RNF216: variants seen among roughly 807,000 people sequenced by gnomAD.
RNF216 encodes ring finger protein 216.
Under a neutral mutation model 110.8 loss-of-function variants are expected in RNF216, and 72 were observed. The observed-to-expected ratio is 0.65, with a 90% CI of 0.54 to 0.79. RNF216 has a LOEUF of 0.79. Among genes scored for constraint, RNF216 ranks in the 30% least tolerant of loss-of-function variants. The pLI is 0.00. For missense variants in RNF216, 1,342 were observed against 1,141.2 expected (o/e 1.18, Z -2.54); for synonymous variants, 495 against 407.5 (o/e 1.21, Z -2.59).
chr7:5,624,819 G>A lies in RNF216; in HGVS notation c.2383-694C>T, dbSNP rs1786607050. ...CAGGCAGATGTGGGAGCTGTGCTGG[G>A]AAACTCAGGGGCCACACTGGGCAAG... On this transcript the variant is annotated intron_variant, in intron 15 of 16. Coordinates refer to ENST00000389902, the MANE Select transcript of RNF216 (RefSeq NM_207111.4). The surrounding 1 kb of genome is among the most constrained non-coding windows in gnomAD (Gnocchi z 4.4). Among the ~76,000 whole-genome samples, 2 of 152,344 alleles carry A rather than the reference G, an allele frequency of 1.3e-5. No individual in the cohort carries two copies. Among genetic ancestry groups the A allele is most frequent in the South Asian group, 2.1e-4 (1 of 4,830 alleles).
intron 3 of RNF216, among the ~76,000 whole-genome samples, chr7:5,751,465 G>A (rs79707037): frequency 0.042 from 6,391 of 152,160 alleles, 188 homozygotes; most frequent in South Asian, 0.07. Flanking sequence ...CTAAACCTGG[G>A]AAGTTCATTT....
At chr7:5,746,362 C>G (rs1795030000) in intron 3 of RNF216, among the ~76,000 whole-genome samples, 1 of 152,172 alleles carries the variant, frequency 6.6e-6, no homozygotes, top group Admixed American at 6.5e-5. Context: ...TTGCAGAGGT[C>G]TTTACGGCTT....
chr7:5,780,627 T>C (rs377166747), intron 1 of RNF216, among the ~76,000 whole-genome samples: 5 of 150,800 alleles, frequency 3.3e-5, no homozygotes, highest in African/African-American at 1.2e-4. Flanking sequence ...ATCGCTTGAA[T>C]CCGGGAGGCA....
Position 5,681,840 on chromosome 7 carries a change from T to C in RNF216, c.2062-29330A>G, listed in dbSNP as rs180950611. On this transcript the variant is annotated intron_variant, in intron 13 of 16. Coordinates refer to ENST00000389902, the MANE Select transcript of RNF216 (RefSeq NM_207111.4). ...ACGGGAAACACCCAGAAAAGGAGGA[T>C]AGGAGGTGAAAAGGCCAAATTCAAA... is the stretch of plus-strand genomic sequence containing the variant. Among the ~76,000 whole-genome samples the C allele has an allele frequency of 5.9e-5, 9 of 152,220 alleles. No homozygotes were observed. The South Asian group carries it at 1.0e-3, about 18-fold the overall frequency.
chr7:5,646,298 G>C (rs900991643), intron 14 of RNF216, among the ~76,000 whole-genome samples: 1 of 152,060 alleles, frequency 6.6e-6, no homozygotes, highest in African/African-American at 2.4e-5. Flanking sequence ...GGGCCCAGAG[G>C]TGGAGGTTGC....
chr7:5,765,376 A>G (rs1235306837), intron 1 of RNF216, among the ~76,000 whole-genome samples: 2 of 151,800 alleles, frequency 1.3e-5, no homozygotes, highest in Non-Finnish European at 2.9e-5. Flanking sequence ...AGGTAAGAGA[A>G]TTGCTTCAGC....
intron 13 of RNF216, among the ~76,000 whole-genome samples, chr7:5,663,586 GAAAA>G (rs35905773): frequency 1.2e-5 from 1 of 80,108 alleles, no homozygotes. Context: ...TCCACCTCAG[GAAAA>G]AAAAAAAAAA....
chr7:5,702,544 A>T (rs574326389), intron 13 of RNF216, among the ~76,000 whole-genome samples: 1 of 152,096 alleles, frequency 6.6e-6, no homozygotes, highest in Admixed American at 6.5e-5. Flanking sequence ...AAGGGAGGCA[A>T]GCAACATTTG....
chr7:5,750,131 G>A (rs1273568447), intron 3 of RNF216, among the ~76,000 whole-genome samples: 3 of 152,090 alleles, frequency 2.0e-5, no homozygotes, highest in Non-Finnish European at 4.4e-5. Flanking sequence ...GGACACAACT[G>A]GAAACTGGTT....
intron 13 of RNF216, among the ~76,000 whole-genome samples, chr7:5,697,757 A>G (rs1372464266): frequency 6.6e-6 from 1 of 152,160 alleles, no homozygotes; most frequent in African/African-American, 2.4e-5. Context: ...AGAAGACAGA[A>G]GCTAGGAGCA....
Position 5,758,601 on chromosome 7 carries a change from G to A in RNF216, c.67+2402C>T, listed in dbSNP as rs558480829. On this transcript the variant is annotated intron_variant, in intron 2 of 16. Coordinates refer to ENST00000389902, the MANE Select transcript of RNF216 (RefSeq NM_207111.4). ...ATGAATGTGAGATGTGGAGTCAAAG[G>A]AGGTTATTTTGGACCTTTAAGATTT... is the stretch of plus-strand genomic sequence containing the variant. Among the ~76,000 whole-genome samples, 34 of 152,284 alleles carry A rather than the reference G, an allele frequency of 2.2e-4. No homozygotes were observed. In the South Asian group the frequency reaches 6.8e-3, roughly 31 times the overall value.
intron 14 of RNF216, among the ~76,000 whole-genome samples, chr7:5,644,827 CTT>C (rs59440013): frequency 1.3e-4 from 18 of 135,856 alleles, no homozygotes; most frequent in Non-Finnish European, 1.6e-4. Context: ...TTCTTTTTTT[CTT>C]TTTTTTTTTT....
chr7:5,711,864 C>A, intron 12 of RNF216, 25 bp from the exon 13 acceptor site: 2 of 1,604,582 alleles, frequency 1.2e-6, no homozygotes, highest in Non-Finnish European at 1.7e-6. Context: ...GCAGAACTGA[C>A]ATTACTTCAA....
chr7:5,758,641 T>G (rs1795769842), intron 2 of RNF216, among the ~76,000 whole-genome samples: 1 of 152,198 alleles, frequency 6.6e-6, no homozygotes, highest in African/African-American at 2.4e-5. Context: ...ACCGCCCTGC[T>G]GGGTTTTGGA....
rs201926546 is a variant in RNF216 at position 5,741,649 on chromosome 7, G to A, written c.368C>T (p.Ala123Val). 313 of 1,614,062 alleles carry A rather than the reference G, an allele frequency of 1.9e-4. 2 individuals carry two copies. In the African/African-American group the frequency reaches 3.9e-3, roughly 20 times the overall value. ...GTAGTCATCCTCAGAATCATCCTGT[G>A]CCCCAGAATCAAACAATGGGTTGTT... Reference protein sequence around the residue: ...VCNNPLFDSGAQDDSEDDYGE... With the variant: ...VCNNPLFDSGVQDDSEDDYGE... Residue 123 changes from alanine (A) to valine (V), a missense_variant, in exon 4 of 17, where the codon GCA (alanine) becomes GTA (valine). Coordinates refer to ENST00000389902, the MANE Select transcript of RNF216 (RefSeq NM_207111.4).
intron 3 of RNF216, among the ~76,000 whole-genome samples, chr7:5,746,373 G>A (rs964786618): frequency 6.6e-6 from 1 of 152,158 alleles, no homozygotes; most frequent in Non-Finnish European, 1.5e-5. Flanking sequence ...TTTACGGCTT[G>A]AGTCAAGCCC....
In RNF216 at chr7:5,622,851, T is replaced by C; in HGVS notation, c.*9A>G. The C allele has an allele frequency of 6.3e-7, 1 of 1,589,036 alleles. No homozygotes were observed. Reference sequence around the variant, plus strand: ...GGGCTTTGTGCTGCTCAATGGGGATTCGGGGCCATCAGAAGCGATGCCGCG... The same window carrying C: ...GGGCTTTGTGCTGCTCAATGGGGATCCGGGGCCATCAGAAGCGATGCCGCG... On this transcript the variant is annotated 3_prime_UTR_variant, in exon 17 of 17. Transcript: ENST00000389902.
rs1259693775 is a variant in RNF216 at position 5,730,591 on chromosome 7, C to T, written c.1224+124G>A. 16 of 1,330,544 alleles carry T rather than the reference C, an allele frequency of 1.2e-5. No individual in the cohort carries two copies. In the East Asian group the frequency reaches 1.4e-4, roughly 12 times the overall value. The allele number at this position is 1,330,544 out of a possible 1,614,324, so 82.4% of individuals were successfully genotyped here. The stretch of plus-strand genomic sequence containing the variant: ...ATATATTCTGAAATCCTATGTCCCT[C>T]GGCTAGTCTTTAAAAACTTGTCCCA... On this transcript the variant is annotated intron_variant, in intron 6 of 16. Coordinates refer to ENST00000389902, the MANE Select transcript of RNF216 (RefSeq NM_207111.4).
chr7:5,687,805 TG>T (rs1237747079), intron 13 of RNF216, among the ~76,000 whole-genome samples: 1 of 152,226 alleles, frequency 6.6e-6, no homozygotes, highest in Non-Finnish European at 1.5e-5. Context: ...CTAAGAGTTT[TG>T]CAAACATCCC....
Sources: gnomAD v4.1 joint callset for allele counts (sites outside exome capture counted in the v4.1 genomes callset) on GRCh38, gnomAD v4.1.1 for gene constraint, Gnocchi (gnomAD v3.1) non-coding constraint, MANE v1.5 for transcripts, NCBI Gene and HGNC (gene_info 2026-07-23, HGNC 2026-07-21) for gene names.